Variants in SETD3 observed in about 807,000 individuals in gnomAD.
SETD3 encodes the protein SET domain containing 3, actin N3(tau)-histidine methyltransferase.
SETD3 carries 19 observed loss-of-function variants against 63.0 expected under a neutral mutation model. The observed-to-expected ratio is 0.30, with a 90% CI of 0.21 to 0.44. The LOEUF (loss-of-function observed/expected upper bound fraction) is 0.44, where lower values mean the gene tolerates loss of function less well. SETD3 is among the 20% of genes least tolerant of loss of function. The pLI is 1.00. For synonymous variants in SETD3, 286 were observed against 264.1 expected, an observed-to-expected ratio of 1.08 and a Z score of -0.80; for missense variants, 587 against 728.5, an observed-to-expected ratio of 0.81 and a Z score of 2.24.
chr14:99,446,680 T>C (rs1350808168), intron 6 of SETD3, among the ~76,000 whole-genome samples: 2 of 152,138 alleles, frequency 1.3e-5, no homozygotes, highest in South Asian at 2.1e-4. Flanking sequence ...AGCAACACTT[T>C]TCCTAAAAGG....
intron 6 of SETD3, among the ~76,000 whole-genome samples, chr14:99,456,881 C>T (rs1226611706): frequency 6.6e-5 from 10 of 152,212 alleles, no homozygotes; most frequent in African/African-American, 2.4e-4. Context: ...GACCTGCCAT[C>T]ATCCTAGACC....
At position 99,465,757 on chromosome 14, in the gene SETD3, T is replaced by C. The variant is rs1157337915; in HGVS notation, c.49A>G (p.Thr17Ala). 6.2e-6 allele frequency: 10 copies of C among 1,614,142 alleles called. No homozygotes were observed. Among genetic ancestry groups the C allele is most frequent in the Non-Finnish European group, 7.6e-6 (9 of 1,179,980 alleles). Residue 17 changes from threonine (T) to alanine (A), a missense_variant, in exon 2 of 13, where the codon ACA becomes GCA. Thr to Ala is a moderately conservative substitution (Grantham distance 58). Coordinates refer to ENST00000331768, the MANE Select transcript of SETD3 (RefSeq NM_032233.3). ...ATTTCCTTTGGTGACACAGTTGCTG[T>C]AGCACCAGTGCCAGATTTCTGAGTT... ...VKTQKSGTGA[T>A]ATVSPKEILN... is the part of the protein sequence containing the mutation.
At chr14:99,445,567 G>A (rs997204350) in intron 6 of SETD3, among the ~76,000 whole-genome samples, 6 of 152,178 alleles carry the variant, frequency 3.9e-5, no homozygotes, top group African/African-American at 1.4e-4. Context: ...GCTACAAAGG[G>A]CGGCCACAGG....
At chr14:99,399,997 T>A (rs1891302232) in intron 12 of SETD3, 102 bp downstream of exon 12, 1 of 1,100,016 alleles carries the variant, frequency 9.1e-7, no homozygotes, top group Middle Eastern at 2.2e-4. Context: ...CGCCTCGACC[T>A]CCCAAAGTGC....
intron 6 of SETD3, among the ~76,000 whole-genome samples, chr14:99,442,785 T>C (rs914557533): frequency 6.6e-6 from 1 of 152,128 alleles, no homozygotes; most frequent in Non-Finnish European, 1.5e-5. Context: ...GAGTTAGAAG[T>C]TATATGGATT....
intron 6 of SETD3, among the ~76,000 whole-genome samples, chr14:99,429,647 T>A (rs1414087956): frequency 6.6e-6 from 1 of 152,354 alleles, no homozygotes; most frequent in Admixed American, 6.5e-5. Flanking sequence ...AGTCCTAAAT[T>A]TATGGGTTTT....
At chr14:99,427,854 G>C (rs1027525671) in intron 6 of SETD3, among the ~76,000 whole-genome samples, 2 of 152,226 alleles carry the variant, frequency 1.3e-5, no homozygotes, top group South Asian at 4.1e-4. Context: ...AGAAGCTGCA[G>C]TCACTGTCGG....
intron 1 of SETD3, among the ~76,000 whole-genome samples, chr14:99,466,671 A>G (rs948205086): frequency 6.6e-6 from 1 of 151,856 alleles, no homozygotes; most frequent in Non-Finnish European, 1.5e-5. Context: ...GCGTGAGGGA[A>G]GCACAGTGAG....
At position 99,401,138 on chromosome 14, in the gene SETD3, CAA is replaced by C. The variant is rs34590578; in HGVS notation, c.1178-881_1178-880del. Among the ~76,000 whole-genome samples the C allele has an allele frequency of 9.4e-4, 85 of 90,588 alleles. 1 individual carries two copies. The highest frequency in any genetic ancestry group is 1.5e-3 in the African/African-American group (41 of 28,052). The allele number at this position is 90,588 out of a possible 152,430, so 59.4% of individuals were successfully genotyped here. ...TGGGCAACCAAGTGAGACCCTGTCTCAAAAAAAAAAAAAAAAAATTCTCAGTT... is the reference window on the plus strand; with the variant it reads ...TGGGCAACCAAGTGAGACCCTGTCTCAAAAAAAAAAAAAAAATTCTCAGTT... On this transcript the variant is annotated intron_variant, in intron 11 of 12. Coordinates refer to ENST00000331768, the MANE Select transcript of SETD3 (RefSeq NM_032233.3).
chr14:99,410,314 T>C (rs952660465), intron 8 of SETD3: 122 of 1,582,720 alleles, frequency 7.7e-5, no homozygotes, highest in Middle Eastern at 6.7e-4. Context: ...ATTGTAAAAA[T>C]GGGCTTTTGA....
chr14:99,446,243 G>A (rs1382802818), intron 6 of SETD3, among the ~76,000 whole-genome samples: 5 of 152,160 alleles, frequency 3.3e-5, no homozygotes, highest in Non-Finnish European at 2.9e-5. Context: ...ATTTGGAGGC[G>A]CCAAGGAACA....
At chr14:99,425,558 T>C (rs1892835619) in intron 6 of SETD3, among the ~76,000 whole-genome samples, 1 of 152,240 alleles carries the variant, frequency 6.6e-6, no homozygotes, top group Non-Finnish European at 1.5e-5. Context: ...TCAGCTGTTA[T>C]TAGTCTTTAG....
chr14:99,406,683 A>G, intron 8 of SETD3, 93 bp from the exon 9 acceptor site: 5 of 1,267,446 alleles, frequency 3.9e-6, no homozygotes, highest in African/African-American at 1.5e-5. Flanking sequence ...CAGAGGAAAA[A>G]GGGGATCCCA....
chr14:99,398,844 CT>C lies in SETD3; in HGVS notation c.1619del (p.Glu540GlyfsTer14). ...CTGTGGCCTTTGCTTTGCTGATTGCCTCTCTGATGTTCAAGGCATCCTGCAC... is the reference window on the plus strand; with the variant it reads ...CTGTGGCCTTTGCTTTGCTGATTGCCCTCTGATGTTCAAGGCATCCTGCAC... ...AGVQDALNIR[E>X]AISKAKATEN... On this transcript the variant is annotated frameshift_variant, in exon 13 of 13. Transcript: ENST00000331768. LOFTEE classifies it low-confidence loss of function (END_TRUNC). The C allele has an allele frequency of 6.2e-7, 1 of 1,614,206 alleles. No individual in the cohort carries two copies. The highest frequency in any genetic ancestry group is 8.5e-7 in the Non-Finnish European group (1 of 1,180,050).
At position 99,437,017 on chromosome 14, in the gene SETD3, T is replaced by C. The variant is rs144231929; in HGVS notation, c.675+21262A>G. ...GATGAAGTCAGCACAGTACCGTGGA[T>C]AGAGAAGATAGTTCAGTTAGATATG... On this transcript the variant is annotated intron_variant, in intron 6 of 12. Coordinates refer to ENST00000331768, the MANE Select transcript of SETD3 (RefSeq NM_032233.3). Among the ~76,000 whole-genome samples, 204 of 152,278 alleles carry C rather than the reference T, an allele frequency of 1.3e-3. 1 individual carries two copies. The highest frequency in any genetic ancestry group is 9.7e-3 in the East Asian group (50 of 5,176).
intron 6 of SETD3, among the ~76,000 whole-genome samples, chr14:99,428,216 G>A (rs1892988556): frequency 6.6e-6 from 1 of 152,226 alleles, no homozygotes; most frequent in African/African-American, 2.4e-5. Context: ...GACAATCCCT[G>A]CTACCAGAGT....
chr14:99,462,820 C>A (rs192038144), intron 3 of SETD3, among the ~76,000 whole-genome samples: 1 of 152,332 alleles, frequency 6.6e-6, no homozygotes. Context: ...TCTCCTGAGG[C>A]CCTTCATGAC....
rs1220921164 is a variant in SETD3, at chr14:99,405,360, A to G, written c.936T>C (p.Phe312=). Reference sequence around the variant, plus strand: ...ACTCTGCGTTGGATCGAGTGCCATAAAAAATGTAAATCTGAGATGCAGTAA... The same window carrying G: ...ACTCTGCGTTGGATCGAGTGCCATAGAAAATGTAAATCTGAGATGCAGTAA... ...DFRAGEQIYI[F]YGTRSNAEFV... Residue 312 remains phenylalanine (F), a synonymous_variant, in exon 10 of 13, where the codon TTT becomes TTC. Transcript: ENST00000331768. The G allele has an allele frequency of 1.9e-6, 3 of 1,608,526 alleles. No homozygotes were observed. The African/African-American group carries it at 4.0e-5, about 22-fold the overall frequency.
Position 99,465,692 on chromosome 14 carries a change from G to A in SETD3, c.103+11C>T. The A allele has an allele frequency of 6.2e-7, 1 of 1,608,580 alleles. No homozygotes were observed. Among genetic ancestry groups the A allele is most frequent in the Non-Finnish European group, 8.5e-7 (1 of 1,175,338 alleles). On this transcript the variant is annotated intron_variant, in intron 2 of 12. Transcript: ENST00000331768. ...CACATCAAGGCAGGGAGAGCCCAGA[G>A]GAGGACTTACTCTGCAGCAGCTCAC...
Sources: allele counts gnomAD v4.1 joint callset (sites outside exome capture counted in the v4.1 genomes callset), GRCh38; gene constraint gnomAD v4.1.1; transcripts MANE v1.5; gene names NCBI Gene and HGNC (gene_info 2026-07-23, HGNC 2026-07-21).